SYT2: variants seen among roughly 807,000 people sequenced by gnomAD.
SYT2 encodes the protein synaptotagmin 2.
Under a neutral mutation model 39.9 loss-of-function variants are expected in SYT2, and 15 were observed. The ratio of observed to expected loss-of-function variants is 0.38; its 90% confidence interval spans 0.25 to 0.58. The LOEUF is 0.58. SYT2 is among the 20% of genes least tolerant of loss of function. The pLI, the probability that SYT2 is intolerant of heterozygous loss-of-function variation, is 0.70. For synonymous variants in SYT2, 181 were observed against 204.5 expected, an observed-to-expected ratio of 0.89 and a Z score of 0.98; for missense variants, 389 against 530.3, an observed-to-expected ratio of 0.73 and a Z score of 2.62.
At chr1:202,607,634 A>G (rs1216265142) in intron 1 of SYT2, among the ~76,000 whole-genome samples, 1 of 152,238 alleles carries the variant, frequency 6.6e-6, no homozygotes, top group Non-Finnish European at 1.5e-5. Flanking sequence ...CATTGATGCA[A>G]TGTAGGTTCA....
At chr1:202,655,040 C>T (rs996117855) in intron 1 of SYT2, among the ~76,000 whole-genome samples, 2 of 152,100 alleles carry the variant, frequency 1.3e-5, no homozygotes, top group Non-Finnish European at 2.9e-5. Flanking sequence ...GGGTGTCACT[C>T]ACTGGGATAT....
chr1:202,671,713 A>G (rs1311511094), intron 1 of SYT2, among the ~76,000 whole-genome samples: 1 of 152,212 alleles, frequency 6.6e-6, no homozygotes, highest in Non-Finnish European at 1.5e-5. Context: ...AATCGACCCC[A>G]AAGGGGCTCA....
At position 202,599,672 on chromosome 1, in the gene SYT2, G is replaced by T. The variant is rs908115189; in HGVS notation, c.920-321C>A. On this transcript the variant is annotated intron_variant, in intron 7 of 8. Transcript: ENST00000367268. The surrounding 1 kb of genome is among the most constrained non-coding windows in gnomAD (Gnocchi z 4.4). ...TGGGGAGTGGGTGGGGAGTGCTGAA[G>T]TCAGGACACACATCTGCTGGGTCAT... Among the ~76,000 whole-genome samples the T allele has an allele frequency of 6.6e-6, 1 of 152,176 alleles. No individual in the cohort carries two copies. Among genetic ancestry groups the T allele is most frequent in the African/African-American group, 2.4e-5 (1 of 41,460 alleles).
Position 202,631,976 on chromosome 1 carries a change from G to A in SYT2, c.-17-26187C>T, listed in dbSNP as rs1572642254. ...TCGCCAGGCCCTGCTGGTTCGCCAG[G>A]CAGTTTGTCCTCAAGGAGAAGTAGC... On this transcript the variant is annotated intron_variant, in intron 1 of 8. Coordinates refer to ENST00000367268, the MANE Select transcript of SYT2 (RefSeq NM_177402.5). The A allele has an allele frequency of 2.2e-5, 21 of 959,056 alleles. No homozygotes were observed. The South Asian group carries it at 9.1e-4, about 42-fold the overall frequency. 59.4% of individuals were successfully genotyped at this position (959,056 alleles called of 1,614,324 possible).
intron 1 of SYT2, among the ~76,000 whole-genome samples, chr1:202,666,971 A>C (rs10800848): frequency 6.6e-6 from 1 of 152,026 alleles, no homozygotes; most frequent in Non-Finnish European, 1.5e-5. Flanking sequence ...AACTGAGCGA[A>C]ACTCTGTCTC....
chr1:202,604,455 C>T lies in SYT2; in HGVS notation c.345G>A (p.Gln115=). 6.2e-7 allele frequency: 1 copy of T among 1,614,116 alleles called. No homozygotes were observed. The highest frequency in any genetic ancestry group is 1.3e-5 in the African/African-American group (1 of 75,076). Residue 115 remains glutamine (Q), a splice_region_variant and synonymous_variant, in exon 3 of 9, where the codon CAG becomes CAA. Coordinates refer to ENST00000367268, the MANE Select transcript of SYT2 (RefSeq NM_177402.5). ...CCCCCTCACAACCAATGTGCCCTAC[C>T]TGACCCCCTTTCATGTCCTTCATGT... The part of the protein sequence containing the change: ...AMNMKDMKGG[Q]DDDDAETGLT...
chr1:202,602,666 C>T (rs1032480931), intron 4 of SYT2, 121 bp from the exon 5 acceptor site: 26 of 1,010,724 alleles, frequency 2.6e-5, no homozygotes, highest in Admixed American at 1.1e-4. Flanking sequence ...AGGGAAATGG[C>T]GGGAGGCTGG....
chr1:202,662,135 G>A (rs1335807720), intron 1 of SYT2, among the ~76,000 whole-genome samples: 1 of 152,190 alleles, frequency 6.6e-6, no homozygotes, highest in East Asian at 1.9e-4. Flanking sequence ...TTTGGGGGGA[G>A]AATAGGAATT....
chr1:202,700,994 T>C (rs1371824723), intron 1 of SYT2, among the ~76,000 whole-genome samples: 3 of 152,254 alleles, frequency 2.0e-5, no homozygotes, highest in African/African-American at 4.8e-5. Flanking sequence ...CATTCATTTA[T>C]CATTTCGAAG....
At chr1:202,694,843 C>T (rs1349716585) in intron 1 of SYT2, among the ~76,000 whole-genome samples, 1 of 151,822 alleles carries the variant, frequency 6.6e-6, no homozygotes, top group Non-Finnish European at 1.5e-5. Context: ...TATAAGTTGA[C>T]TGGTTGACAA....
intron 1 of SYT2, chr1:202,639,384 G>T: frequency 2.8e-6 from 1 of 363,598 alleles, no homozygotes; most frequent in Non-Finnish European, 3.8e-6. Context: ...AAAGAGCGTT[G>T]GATTGAGGGT....
intron 1 of SYT2, chr1:202,643,408 C>CCTCGCTCCCGCG (rs1048480956): frequency 1.3e-5 from 2 of 152,676 alleles, no homozygotes; most frequent in African/African-American, 4.8e-5. Flanking sequence ...CCGCTGCGGC[C>CCTCGCTCCCGCG]CTCGCTCCCG....
chr1:202,604,171 T>G, intron 3 of SYT2: 1 of 337,110 alleles, frequency 3.0e-6, no homozygotes, highest in Non-Finnish European at 5.4e-6. Context: ...TGGGGCTGTC[T>G]CTTTCCAACA....
intron 1 of SYT2, among the ~76,000 whole-genome samples, chr1:202,606,152 T>C (rs1442034934): frequency 6.6e-6 from 1 of 152,202 alleles, no homozygotes; most frequent in Non-Finnish European, 1.5e-5. Flanking sequence ...CAAAACACTT[T>C]CCATGCATTA....
intron 1 of SYT2, among the ~76,000 whole-genome samples, chr1:202,630,945 T>C (rs773744107): frequency 2.0e-5 from 3 of 152,142 alleles, no homozygotes; most frequent in African/African-American, 4.8e-5. Flanking sequence ...ACAAACACTG[T>C]GTCCTGCAGA....
Position 202,637,207 on chromosome 1 carries a change from C to T in SYT2, c.-17-31418G>A, listed in dbSNP as rs550924597. On this transcript the variant is annotated intron_variant, in intron 1 of 8. Coordinates refer to ENST00000367268, the MANE Select transcript of SYT2 (RefSeq NM_177402.5). ...AAAACCTCCCAAAACAAAAATTATC[C>T]AGGCATGGTGGTGCACACCTGTAGT... Among the ~76,000 whole-genome samples the T allele has an allele frequency of 7.2e-4, 110 of 152,198 alleles. 1 individual carries two copies. Among genetic ancestry groups the T allele is most frequent in the African/African-American group, 2.3e-3 (97 of 41,524 alleles).
intron 1 of SYT2, among the ~76,000 whole-genome samples, chr1:202,685,873 A>T (rs576679894): frequency 6.6e-6 from 1 of 152,132 alleles, no homozygotes; most frequent in South Asian, 2.1e-4. Context: ...AAGGCGAGGG[A>T]ATGAGATCAT....
At chr1:202,644,597 C>T (rs1373715867) in intron 1 of SYT2, among the ~76,000 whole-genome samples, 9 of 152,118 alleles carry the variant, frequency 5.9e-5, no homozygotes, top group Non-Finnish European at 1.3e-4. Context: ...CCTTCACCCT[C>T]CATGCAGCTG....
rs148898762 is a variant in SYT2, at chr1:202,654,670, C to A, written c.-17-48881G>T. The stretch of plus-strand genomic sequence containing the variant: ...CGCCCAACACACACACACATCAGAT[C>A]TGTGCTACAACCAGCACTATGGAGT... On this transcript the variant is annotated intron_variant, in intron 1 of 8. Transcript: ENST00000367268. Among the ~76,000 whole-genome samples, 479 of 152,318 alleles carry A rather than the reference C, an allele frequency of 3.1e-3. 3 individuals are homozygous for A. The highest frequency in any genetic ancestry group is 0.011 in the African/African-American group (459 of 41,566).
Sources: gnomAD v4.1 joint callset for allele counts (sites outside exome capture counted in the v4.1 genomes callset) on GRCh38, gnomAD v4.1.1 for gene constraint, Gnocchi (gnomAD v3.1) non-coding constraint, MANE v1.5 for transcripts, NCBI Gene and HGNC (gene_info 2026-07-23, HGNC 2026-07-21) for gene names.